ZBBX: variants seen among roughly 807,000 people sequenced by gnomAD.
The protein encoded by ZBBX is zinc finger B-box domain containing.
Under a neutral mutation model 108.5 loss-of-function variants are expected in ZBBX, and 101 were observed. The observed-to-expected ratio is 0.93, with a 90% CI of 0.79 to 1.10. ZBBX has a LOEUF of 1.10. Among genes scored for constraint, ZBBX ranks in the 50% least tolerant of loss-of-function variants. The pLI is 0.00. For synonymous variants in ZBBX, 356 were observed against 323.4 expected (o/e 1.10, Z -1.08); for missense variants, 1,009 against 941.4 (o/e 1.07, Z -0.94).
At chr3:167,382,949 A>G (rs1747797827), upstream of ZBBX, among the ~76,000 whole-genome samples, 1 of 152,102 alleles carries the variant, frequency 6.6e-6, no homozygotes, top group Non-Finnish European at 1.5e-5. Context: ...TAGAAATCTC[A>G]TACTAATATT....
chr3:167,250,312 T>C (rs916127374), intron 20 of ZBBX, among the ~76,000 whole-genome samples: 1 of 152,130 alleles, frequency 6.6e-6, no homozygotes, highest in Non-Finnish European at 1.5e-5. Flanking sequence ...ATTCCCAGGA[T>C]GTGCCTGCTA....
chr3:167,324,082 T>C (rs1577000124), intron 11 of ZBBX, among the ~76,000 whole-genome samples: 1 of 152,196 alleles, frequency 6.6e-6, no homozygotes, highest in East Asian at 1.9e-4. Flanking sequence ...AAATCATCTC[T>C]ATTAAGCAAA....
At chr3:167,356,425 A>C (rs899315963) in intron 8 of ZBBX, among the ~76,000 whole-genome samples, 9 of 152,106 alleles carry the variant, frequency 5.9e-5, no homozygotes, top group Non-Finnish European at 8.8e-5. Context: ...AATTGCCATT[A>C]AATAAACCTA....
the ZBBX span, among the ~76,000 whole-genome samples, chr3:167,188,215 T>C: frequency 1.3e-5 from 2 of 152,298 alleles, no homozygotes; most frequent in South Asian, 4.1e-4. Context: ...GAAGATTTTG[T>C]TTATACATTC....
chr3:167,284,557 A>G (rs1469330558), intron 19 of ZBBX, among the ~76,000 whole-genome samples: 3 of 152,194 alleles, frequency 2.0e-5, no homozygotes, highest in Non-Finnish European at 4.4e-5. Flanking sequence ...AGAAATGAAG[A>G]AAGAAAAATT....
intron 20 of ZBBX, among the ~76,000 whole-genome samples, chr3:167,267,538 G>T (rs1006597169): frequency 6.6e-6 from 1 of 152,138 alleles, no homozygotes; most frequent in African/African-American, 2.4e-5. Context: ...GGTATTGAGA[G>T]AACTAAACAT....
intron 16 of ZBBX, among the ~76,000 whole-genome samples, chr3:167,313,088 G>C (rs907158528): frequency 6.6e-6 from 1 of 152,238 alleles, no homozygotes; most frequent in Non-Finnish European, 1.5e-5. Context: ...TTCAAGGTCA[G>C]ACAGTGATTT....
intron 18 of ZBBX, among the ~76,000 whole-genome samples, chr3:167,294,881 G>T (rs1273866006): frequency 6.6e-6 from 1 of 152,074 alleles, no homozygotes; most frequent in Non-Finnish European, 1.5e-5. Flanking sequence ...AGTAGGCAAA[G>T]GATATGACAG....
the ZBBX span, among the ~76,000 whole-genome samples, chr3:167,191,932 T>G: frequency 0.24 from 30,235 of 128,002 alleles, 4,612 homozygotes; most frequent in Non-Finnish European, 0.27. Flanking sequence ...TATATATATA[T>G]ATAGAGCAAG....
chr3:167,250,295 C>T (rs562351630), intron 20 of ZBBX, among the ~76,000 whole-genome samples: 1 of 152,236 alleles, frequency 6.6e-6, no homozygotes, highest in South Asian at 2.1e-4. Context: ...AGCCCACAAA[C>T]CCCAAAATTC....
At chr3:167,229,002 T>C in the ZBBX span, among the ~76,000 whole-genome samples, 1 of 151,932 alleles carries the variant, frequency 6.6e-6, no homozygotes, top group Admixed American at 6.6e-5. Context: ...AACAGAATGG[T>C]AAATCCCTAG....
intron 20 of ZBBX, among the ~76,000 whole-genome samples, chr3:167,275,020 A>G (rs1285871235): frequency 6.6e-6 from 1 of 152,214 alleles, no homozygotes; most frequent in Non-Finnish European, 1.5e-5. Flanking sequence ...TTCATTTATA[A>G]TAAGTTCAAC....
intron 1 of ZBBX, among the ~76,000 whole-genome samples, chr3:167,388,682 TA>T (rs1229169278): frequency 6.6e-6 from 1 of 151,936 alleles, no homozygotes; most frequent in Admixed American, 6.6e-5. Context: ...GTCCAGAGGG[TA>T]AAAGGTACCT....
the ZBBX span, among the ~76,000 whole-genome samples, chr3:167,190,561 T>C: frequency 6.6e-6 from 1 of 152,058 alleles, no homozygotes; most frequent in Non-Finnish European, 1.5e-5. Context: ...TTTGTATTTT[T>C]AGTAGAGTCA....
At chr3:167,354,869 G>A (rs1277542678) in intron 8 of ZBBX, among the ~76,000 whole-genome samples, 3 of 151,866 alleles carry the variant, frequency 2.0e-5, no homozygotes, top group African/African-American at 7.2e-5. Flanking sequence ...TTTGTAGACT[G>A]GAAGATCAAT....
chr3:167,190,530 G>A, the ZBBX span, among the ~76,000 whole-genome samples: 4 of 152,018 alleles, frequency 2.6e-5, no homozygotes, highest in African/African-American at 9.7e-5. Context: ...ACAGGTCCCT[G>A]CCACCACGCC....
downstream of ZBBX, among the ~76,000 whole-genome samples, chr3:167,235,092 CT>C (rs1720178068): frequency 6.6e-6 from 1 of 151,710 alleles, no homozygotes; most frequent in South Asian, 2.1e-4. Context: ...GAGAAATATA[CT>C]TTGTAAATTT....
chr3:167,398,384 C>A (rs1748315518), intron 1 of ZBBX, among the ~76,000 whole-genome samples: 1 of 151,970 alleles, frequency 6.6e-6, no homozygotes, highest in Non-Finnish European at 1.5e-5. Context: ...CTTTAAAGGG[C>A]CCAATAACAT....
At chr3:167,319,986 A>G (rs1305761087) in intron 12 of ZBBX, among the ~76,000 whole-genome samples, 1 of 151,534 alleles carries the variant, frequency 6.6e-6, no homozygotes, top group African/African-American at 2.4e-5. Context: ...AAAAATTTAT[A>G]TGTGTGTATG....
Sources: gnomAD v4.1 joint callset for allele counts (sites outside exome capture counted in the v4.1 genomes callset) on GRCh38, gnomAD v4.1.1 for gene constraint, MANE v1.5 for transcripts, NCBI Gene and HGNC (gene_info 2026-07-23, HGNC 2026-07-21) for gene names.